Variants in MAP2K5 observed in about 807,000 individuals in gnomAD.
MAP2K5 encodes dual specificity mitogen-activated protein kinase kinase 5.
In MAP2K5, 49 loss-of-function variants were observed where a neutral mutation model predicts 83.1. The ratio of observed to expected loss-of-function variants is 0.59; its 90% CI spans 0.47 to 0.75. The LOEUF is 0.75. Among genes scored for constraint, MAP2K5 ranks in the 30% least tolerant of loss-of-function variants. The pLI, the probability that MAP2K5 is intolerant of heterozygous loss-of-function variation, is 0.00. For synonymous variants in MAP2K5, 202 were observed against 191.8 expected (o/e 1.05, Z -0.44); for missense variants, 457 against 557.5 (o/e 0.82, Z 1.82).
rs1206457783 is a variant in MAP2K5 at position 67,781,336 on chromosome 15, TG to T, written c.1242+8585del. ...TATTTACAGTTGTGCCAGCTGGATT[TG>T]TTTAATGGGTTGTTTGCTTTTTAAT... On this transcript the variant is annotated intron_variant, in intron 21 of 21. Coordinates refer to ENST00000178640, the MANE Select transcript of MAP2K5 (RefSeq NM_145160.3). This position sits in a 1 kb window ranked among gnomAD's most constrained non-coding sequence, Gnocchi z 4.0. Among the ~76,000 whole-genome samples the T allele has an allele frequency of 6.6e-6, 1 of 152,220 alleles. No homozygotes were observed. Among genetic ancestry groups the T allele is most frequent in the African/African-American group, 2.4e-5 (1 of 41,452 alleles).
At chr15:67,585,964 G>A (rs2085280326) in intron 5 of MAP2K5, 34 bp downstream of exon 5, 1 of 1,586,174 alleles carries the variant, frequency 6.3e-7, no homozygotes, top group Admixed American at 1.7e-5. Context: ...AGTAAAGTTA[G>A]ATGGATTTGT....
chr15:67,750,653 T>C lies in MAP2K5; in HGVS notation c.1134+2052T>C, dbSNP rs973598033. On this transcript the variant is annotated intron_variant, in intron 19 of 21. Transcript: ENST00000178640. The surrounding 1 kb of genome is among the most constrained non-coding windows in gnomAD (Gnocchi z 4.2). ...TCTACTAGTTTCTCGGGTAACTCTC[T>C]GCACATTATAAGTTTGAAAACCACT... 6.6e-6 allele frequency among the ~76,000 whole-genome samples: 1 copy of C among 152,226 alleles called. No homozygotes were observed. The highest frequency in any genetic ancestry group is 1.5e-5 in the Non-Finnish European group (1 of 68,028).
chr15:67,600,806 A>G, intron 8 of MAP2K5, 57 bp downstream of exon 8: 2 of 1,312,552 alleles, frequency 1.5e-6, no homozygotes, highest in Non-Finnish European at 2.1e-6. Flanking sequence ...CTGAGTATCC[A>G]AGTTCTCTGT....
intron 13 of MAP2K5, among the ~76,000 whole-genome samples, chr15:67,672,655 CTTTAG>C (rs2141169401): frequency 6.7e-6 from 1 of 149,058 alleles, no homozygotes; most frequent in African/African-American, 2.5e-5. Context: ...TGCAGAAGCT[CTTTAG>C]TTTAATTAGA....
intron 8 of MAP2K5, among the ~76,000 whole-genome samples, chr15:67,623,786 G>A (rs1018441203): frequency 3.3e-5 from 5 of 151,614 alleles, no homozygotes; most frequent in East Asian, 2.0e-4. Context: ...TAATAGAGAC[G>A]GGGTTTCTCC....
intron 15 of MAP2K5, among the ~76,000 whole-genome samples, chr15:67,693,920 G>GT (rs757816048): frequency 1.4e-3 from 198 of 142,580 alleles, no homozygotes; most frequent in South Asian, 7.3e-3. Context: ...CAATAAAATT[G>GT]TTTTTTTTTT....
chr15:67,677,805 C>T lies in MAP2K5; in HGVS notation c.847+13160C>T, dbSNP rs1288667424. 1.3e-5 allele frequency among the ~76,000 whole-genome samples: 2 copies of T among 152,198 alleles called. No individual in the cohort carries two copies. Among genetic ancestry groups the T allele is most frequent in the African/African-American group, 2.4e-5 (1 of 41,454 alleles). Reference sequence around the variant, plus strand: ...TTAAGAGAGGGAGAATTGAGAAGCTCAGGCCTTTTTGCCCTTGTTATTAAT... The same window carrying T: ...TTAAGAGAGGGAGAATTGAGAAGCTTAGGCCTTTTTGCCCTTGTTATTAAT... On this transcript the variant is annotated intron_variant, in intron 13 of 21. Coordinates refer to ENST00000178640, the MANE Select transcript of MAP2K5 (RefSeq NM_145160.3). The surrounding 1 kb of genome is among the most constrained non-coding windows in gnomAD (Gnocchi z 4.2).
chr15:67,568,666 C>T (rs1252482800), intron 3 of MAP2K5, among the ~76,000 whole-genome samples: 9 of 152,008 alleles, frequency 5.9e-5, no homozygotes, highest in Non-Finnish European at 1.5e-5. Context: ...AAAAATAATA[C>T]TTATTACCAA....
chr15:67,549,134 C>T lies in MAP2K5; in HGVS notation c.136-900C>T, dbSNP rs1330393621. 3.9e-6 allele frequency: 6 copies of T among 1,535,470 alleles called. No homozygotes were observed. In the South Asian group the frequency reaches 6.0e-5, roughly 15 times the overall value. ...GCCTGGGAGGGACACTGTGGCAGAG[C>T]TCCTGGAGAGAAATGAGGTTTGCAG... On this transcript the variant is annotated intron_variant, in intron 1 of 21. Coordinates refer to ENST00000178640, the MANE Select transcript of MAP2K5 (RefSeq NM_145160.3).
rs1231982243 is a variant in MAP2K5 at position 67,760,394 on chromosome 15, T to G, written c.1135-9208T>G. 1.3e-5 allele frequency among the ~76,000 whole-genome samples: 2 copies of G among 152,210 alleles called. No homozygotes were observed. The highest frequency in any genetic ancestry group is 6.5e-5 in the Admixed American group (1 of 15,278). Reference sequence around the variant, plus strand: ...AAAGTCACTTGAAGTAAAAAAAAGTTTTTTTAAACACACAATTATATAAAA... The same window carrying G: ...AAAGTCACTTGAAGTAAAAAAAAGTGTTTTTAAACACACAATTATATAAAA... On this transcript the variant is annotated intron_variant, in intron 19 of 21. Transcript: ENST00000178640. This position sits in a 1 kb window ranked among gnomAD's most constrained non-coding sequence, Gnocchi z 4.1.
At position 67,717,852 on chromosome 15, in the gene MAP2K5, A is replaced by G. The variant is rs569501395; in HGVS notation, c.1045-10064A>G. ...GTTCTAAGCTGTGATTGCAAAAGCT[A>G]CAGATCTGTTAAGGCCCAACCTCAG... is the stretch of plus-strand genomic sequence containing the variant. On this transcript the variant is annotated intron_variant, in intron 16 of 21. Transcript: ENST00000178640. This position sits in a 1 kb window ranked among gnomAD's most constrained non-coding sequence, Gnocchi z 4.1. The G allele has an allele frequency of 1.3e-5, 2 of 152,294 alleles. No homozygotes were observed. The highest frequency in any genetic ancestry group is 1.9e-4 in the East Asian group (1 of 5,182). The allele number at this position is 152,294 out of a possible 1,614,324, so 9.4% of individuals were successfully genotyped here.
intron 21 of MAP2K5, among the ~76,000 whole-genome samples, chr15:67,787,107 G>C (rs1436049205): frequency 6.6e-6 from 1 of 151,652 alleles, no homozygotes; most frequent in Admixed American, 6.6e-5. Context: ...CTTAAGCAGG[G>C]AAGTGGCTGT....
At position 67,780,867 on chromosome 15, in the gene MAP2K5, G is replaced by A. The variant is rs12441598; in HGVS notation, c.1242+8115G>A. On this transcript the variant is annotated intron_variant, in intron 21 of 21. Coordinates refer to ENST00000178640, the MANE Select transcript of MAP2K5 (RefSeq NM_145160.3). This position sits in a 1 kb window ranked among gnomAD's most constrained non-coding sequence, Gnocchi z 5.0. ...TGTATGGACAGAGCTAGGAGGTGCT[G>A]ACCAGGTGGTGATCAGCAGCACATA... 0.64 allele frequency among the ~76,000 whole-genome samples: 97,572 copies of A among 152,116 alleles called. 32,010 individuals carry two copies. Among genetic ancestry groups the A allele is most frequent in the East Asian group, 0.95 (4,923 of 5,194 alleles).
intron 17 of MAP2K5, among the ~76,000 whole-genome samples, chr15:67,730,498 A>G (rs866748988): frequency 1.3e-5 from 2 of 152,182 alleles, no homozygotes; most frequent in African/African-American, 4.8e-5. Flanking sequence ...GACATCATCA[A>G]ATCAAACTTC....
At position 67,748,428 on chromosome 15, in the gene MAP2K5, A is replaced by G. The variant is rs2089650999; in HGVS notation, c.1102-141A>G. On this transcript the variant is annotated intron_variant, in intron 18 of 21. Transcript: ENST00000178640. This position sits in a 1 kb window ranked among gnomAD's most constrained non-coding sequence, Gnocchi z 4.0. ...CCATTAGAAATAATAGAACCTCCTG[A>G]GCATCAATGTTTTTATAAGAGTTTG... The G allele has an allele frequency of 2.4e-6, 2 of 831,710 alleles. No individual in the cohort carries two copies. The highest frequency in any genetic ancestry group is 3.9e-6 in the Non-Finnish European group (2 of 514,858). 51.5% of individuals were successfully genotyped at this position (831,710 alleles called of 1,614,324 possible).
rs182879982 is a variant in MAP2K5 at position 67,689,512 on chromosome 15, A to G, written c.848-2967A>G. Among the ~76,000 whole-genome samples the G allele has an allele frequency of 6.6e-4, 100 of 152,318 alleles. 1 individual carries two copies. In the East Asian group the frequency reaches 7.3e-3, roughly 11 times the overall value. On this transcript the variant is annotated intron_variant, in intron 13 of 21. Transcript: ENST00000178640. ...TTTTTTTTCTTTTGAGACAGTGATT[A>G]AAACAGTCTTGTTGGAATGCAAAGA...
At chr15:67,728,012 C>A in intron 17 of MAP2K5, 67 bp downstream of exon 17, 2 of 1,270,346 alleles carry the variant, frequency 1.6e-6, no homozygotes, top group South Asian at 1.2e-5. Flanking sequence ...GTGCAGGGAG[C>A]AATTGTGAAC....
At chr15:67,655,649 T>C (rs1220090107) in intron 11 of MAP2K5, among the ~76,000 whole-genome samples, 3 of 152,198 alleles carry the variant, frequency 2.0e-5, no homozygotes, top group African/African-American at 7.2e-5. Flanking sequence ...TTTCTTTTTG[T>C]CTTTGGCTAT....
At chr15:67,584,641 A>G (rs2085249764) in intron 4 of MAP2K5, among the ~76,000 whole-genome samples, 1 of 149,436 alleles carries the variant, frequency 6.7e-6, no homozygotes, top group Non-Finnish European at 1.5e-5. Flanking sequence ...AAGCAACTGC[A>G]GTGTTTTGTA....
Sources: allele counts gnomAD v4.1 joint callset (sites outside exome capture counted in the v4.1 genomes callset), GRCh38; gene constraint gnomAD v4.1.1; non-coding constraint Gnocchi (gnomAD v3.1); transcripts MANE v1.5; gene names NCBI Gene and HGNC (gene_info 2026-07-23, HGNC 2026-07-21).